The following ATF3 variants were observed in gnomAD, a reference collection of about 807,000 sequenced individuals.
The protein encoded by ATF3 is activating transcription factor 3, also known as cyclic AMP-dependent transcription factor ATF-3.
A neutral mutation model predicts 18.4 loss-of-function variants in ATF3; 10 were observed. The ratio of observed to expected loss-of-function variants is 0.54; its 90% CI spans 0.34 to 0.92. ATF3 has a LOEUF of 0.92. Among genes scored for constraint, ATF3 ranks in the 40% least tolerant of loss-of-function variants. The pLI is 0.02. For synonymous variants in ATF3, 78 were observed against 87.9 expected (o/e 0.89, Z 0.63); for missense variants, 183 against 222.3 (o/e 0.82, Z 1.12).
chr1:212,618,412 C>CA lies in ATF3; in HGVS notation c.348+180dup. ...TGAGGAGGTGGCAAAGCAGTTAACACAATGGATGTGACGGTGGATGTATAA... is the reference window on the plus strand; with the variant it reads ...TGAGGAGGTGGCAAAGCAGTTAACACAAATGGATGTGACGGTGGATGTATAA... On this transcript the variant is annotated intron_variant, in intron 3 of 3. Coordinates refer to ENST00000341491, the MANE Select transcript of ATF3 (RefSeq NM_001674.4). The surrounding 1 kb of genome is among the most constrained non-coding windows in gnomAD (Gnocchi z 4.4). The CA allele has an allele frequency of 4.2e-6, 3 of 712,596 alleles. No homozygotes were observed. The highest frequency in any genetic ancestry group is 7.6e-6 in the Non-Finnish European group (3 of 393,966). The allele number at this position is 712,596 out of a possible 1,614,324, so 44.1% of individuals were successfully genotyped here.
chr1:212,568,627 G>A (rs919841735), intron 1 of ATF3, among the ~76,000 whole-genome samples: 3 of 152,172 alleles, frequency 2.0e-5, no homozygotes, highest in Admixed American at 2.0e-4. Flanking sequence ...GGAGAGTCAG[G>A]ATCTGTGGTC....
At chr1:212,590,829 G>C (rs960830559) in intron 1 of ATF3, among the ~76,000 whole-genome samples, 2 of 152,156 alleles carry the variant, frequency 1.3e-5, no homozygotes, top group Admixed American at 6.5e-5. Context: ...GCAGCATTAG[G>C]GAAGCAGGAT....
intron 1 of ATF3, among the ~76,000 whole-genome samples, chr1:212,601,038 A>T (rs1654470316): frequency 6.6e-6 from 1 of 152,250 alleles, no homozygotes; most frequent in African/African-American, 2.4e-5. Flanking sequence ...TGCTGAGAGC[A>T]GTGTCCGGTA....
Position 212,615,112 on chromosome 1 carries a change from T to A in ATF3, c.91T>A (p.Phe31Ile). The A allele has an allele frequency of 6.2e-7, 1 of 1,614,196 alleles. No homozygotes were observed. Residue 31 changes from phenylalanine (F) to isoleucine (I), a missense_variant, in exon 2 of 4, where the codon TTT becomes ATT. Phe to Ile is a conservative substitution (Grantham distance 21). Coordinates refer to ENST00000341491, the MANE Select transcript of ATF3 (RefSeq NM_001674.4). ...PCLSPPGSLV[F>I]EDFANLTPFV... Reference sequence around the variant, plus strand: ...CCTGTCCCCTCCTGGGTCACTGGTGTTTGAGGATTTTGCTAACCTGACGCC... The same window carrying A: ...CCTGTCCCCTCCTGGGTCACTGGTGATTGAGGATTTTGCTAACCTGACGCC...
intron 1 of ATF3, among the ~76,000 whole-genome samples, chr1:212,576,539 T>C (rs1664578567): frequency 6.6e-6 from 1 of 151,830 alleles, no homozygotes; most frequent in Non-Finnish European, 1.5e-5. Flanking sequence ...TTTATTTGTT[T>C]ATTCATTTTG....
chr1:212,579,723 C>T (rs1187721689), intron 1 of ATF3, among the ~76,000 whole-genome samples: 2 of 152,190 alleles, frequency 1.3e-5, no homozygotes, highest in African/African-American at 4.8e-5. Context: ...AAATGAGTAT[C>T]TCATGGTAGA....
In ATF3 at chr1:212,620,684, A is replaced by G. The variant is rs912357443; in HGVS notation, c.*1129A>G. 1 of 152,650 alleles carries G rather than the reference A, an allele frequency of 6.6e-6. No individual in the cohort carries two copies. Among genetic ancestry groups the G allele is most frequent in the Non-Finnish European group, 1.5e-5 (1 of 68,044 alleles). 9.5% of individuals were successfully genotyped at this position (152,650 alleles called of 1,614,324 possible). A position where few individuals can be genotyped will look rare whatever the true frequency, so the allele number is the denominator to read the frequency against. On this transcript the variant is annotated 3_prime_UTR_variant, in exon 4 of 4. Transcript: ENST00000341491. ...GTGTTTAATTGTACTCAATGGTATCATTACAATTTTCTGTAAGAGAAAATA... is the reference window on the plus strand; with the variant it reads ...GTGTTTAATTGTACTCAATGGTATCGTTACAATTTTCTGTAAGAGAAAATA...
chr1:212,614,316 T>G (rs1313316808), intron 1 of ATF3, among the ~76,000 whole-genome samples: 2 of 152,134 alleles, frequency 1.3e-5, no homozygotes, highest in Non-Finnish European at 2.9e-5. Context: ...CTTTAAGACC[T>G]TTTGCTTTGC....
At chr1:212,609,245 G>C (rs1654775970) in intron 1 of ATF3, among the ~76,000 whole-genome samples, 1 of 152,244 alleles carries the variant, frequency 6.6e-6, no homozygotes, top group South Asian at 2.1e-4. Flanking sequence ...GACGGCGCTG[G>C]CTTGCCCGGC....
At position 212,619,567 on chromosome 1, in the gene ATF3, A is replaced by T; in HGVS notation, c.*12A>T. 2 of 1,613,814 alleles carry T rather than the reference A, an allele frequency of 1.2e-6. No homozygotes were observed. The highest frequency in any genetic ancestry group is 1.7e-6 in the Non-Finnish European group (2 of 1,179,836). ...CATTGCAGAGCTAAGCAGTCGTGGT[A>T]TGGGGGCGACTGGGGAGTCCTCATT... On this transcript the variant is annotated 3_prime_UTR_variant, in exon 4 of 4. Coordinates refer to ENST00000341491, the MANE Select transcript of ATF3 (RefSeq NM_001674.4). This position sits in a 1 kb window ranked among gnomAD's most constrained non-coding sequence, Gnocchi z 4.4.
intron 1 of ATF3, among the ~76,000 whole-genome samples, chr1:212,582,494 G>GT (rs1400401270): frequency 2.5e-4 from 38 of 152,356 alleles, no homozygotes; most frequent in African/African-American, 8.9e-4. Context: ...CTCTATTTTA[G>GT]TCACAGTCAT....
Position 212,577,545 on chromosome 1 carries a change from C to T in ATF3, c.-5+12062C>T, listed in dbSNP as rs141084831. 2.1e-4 allele frequency among the ~76,000 whole-genome samples: 32 copies of T among 152,158 alleles called. 2 individuals are homozygous for T. The South Asian group carries it at 5.8e-3, about 28-fold the overall frequency. ...AAATCTTATATCCTTTGACCAACAT[C>T]GCTTCAACTCACCAGCCCCACCCCC... On this transcript the variant is annotated intron_variant, in intron 1 of 3. Transcript: ENST00000366981.
At chr1:212,612,685 T>TGTA (rs1421198305) in intron 1 of ATF3, among the ~76,000 whole-genome samples, 1 of 152,230 alleles carries the variant, frequency 6.6e-6, no homozygotes, top group Non-Finnish European at 1.5e-5. Context: ...AAGAATTACA[T>TGTA]ACATAGCCTG....
chr1:212,596,969 G>A (rs940485865), intron 1 of ATF3, among the ~76,000 whole-genome samples: 11 of 152,228 alleles, frequency 7.2e-5, no homozygotes, highest in African/African-American at 2.4e-4. Flanking sequence ...CTTGAACAAT[G>A]CCAGGCATAC....
chr1:212,602,668 C>T (rs1654514025), intron 1 of ATF3, among the ~76,000 whole-genome samples: 1 of 152,128 alleles, frequency 6.6e-6, no homozygotes, highest in Non-Finnish European at 1.5e-5. Flanking sequence ...GAGATGTTTA[C>T]GGTCCATCAA....
chr1:212,592,982 A>G (rs1315263222), intron 1 of ATF3, among the ~76,000 whole-genome samples: 2 of 151,710 alleles, frequency 1.3e-5, no homozygotes, highest in Admixed American at 6.6e-5. Flanking sequence ...ATAAAGACAC[A>G]TGCACATGTA....
At chr1:212,592,824 C>G (rs1193582623) in intron 1 of ATF3, among the ~76,000 whole-genome samples, 1 of 152,110 alleles carries the variant, frequency 6.6e-6, no homozygotes, top group African/African-American at 2.4e-5. Context: ...GTGCTGCCAG[C>G]CCGATACATC....
chr1:212,619,813 A>G lies in ATF3; in HGVS notation c.*258A>G. 2.5e-6 allele frequency: 1 copy of G among 396,820 alleles called. No individual in the cohort carries two copies. Among genetic ancestry groups the G allele is most frequent in the Non-Finnish European group, 4.7e-6 (1 of 210,866 alleles). The allele number at this position is 396,820 out of a possible 1,614,324, so 24.6% of individuals were successfully genotyped here. A position where few individuals can be genotyped will look rare whatever the true frequency, so the allele number is the denominator to read the frequency against. On this transcript the variant is annotated 3_prime_UTR_variant, in exon 4 of 4. Transcript: ENST00000341491. The surrounding 1 kb of genome is among the most constrained non-coding windows in gnomAD (Gnocchi z 4.4). ...AACACACTGGCCATTCTTATGTTCCAGATGGCCCCCAGCTGGTGTCCTGCC... is the reference window on the plus strand; with the variant it reads ...AACACACTGGCCATTCTTATGTTCCGGATGGCCCCCAGCTGGTGTCCTGCC...
chr1:212,603,800 G>GTGTT (rs1014595568), upstream of ATF3, among the ~76,000 whole-genome samples: 1 of 150,594 alleles, frequency 6.6e-6, no homozygotes, highest in Non-Finnish European at 1.5e-5. Flanking sequence ...GTGTGTGTGT[G>GTGTT]TTCTATATAA....
Sources: allele counts gnomAD v4.1 joint callset (sites outside exome capture counted in the v4.1 genomes callset), GRCh38; gene constraint gnomAD v4.1.1; non-coding constraint Gnocchi (gnomAD v3.1); transcripts MANE v1.5; gene names NCBI Gene and HGNC (gene_info 2026-07-23, HGNC 2026-07-21).